Variants in ERC2 observed in about 807,000 individuals in gnomAD.
The protein encoded by ERC2 is ERC protein 2.
ERC2 carries 42 observed loss-of-function variants against 114.8 expected under a neutral mutation model. The ratio of observed to expected loss-of-function variants is 0.37; its 90% CI spans 0.29 to 0.47. ERC2 has a LOEUF of 0.47. Among genes scored for constraint, ERC2 ranks in the 20% least tolerant of loss-of-function variants. The pLI, the probability that ERC2 is intolerant of heterozygous loss-of-function variation, is 0.99. For synonymous variants in ERC2, 454 were observed against 425.5 expected (o/e 1.07, Z -0.82); for missense variants, 939 against 1,150.7 (o/e 0.82, Z 2.66).
intron 2 of ERC2, among the ~76,000 whole-genome samples, chr3:56,386,743 C>A (rs1268890222): frequency 6.6e-6 from 1 of 152,142 alleles, no homozygotes; most frequent in Non-Finnish European, 1.5e-5. Flanking sequence ...GGAGACACTA[C>A]TGCTACTGAA....
intron 2 of ERC2, among the ~76,000 whole-genome samples, chr3:56,373,760 T>C (rs569268370): frequency 6.6e-6 from 1 of 150,522 alleles, no homozygotes; most frequent in Admixed American, 6.6e-5. Context: ...GTATGAACTT[T>C]AATTATTTTT....
chr3:56,180,678 T>A (rs368102047), intron 3 of ERC2, among the ~76,000 whole-genome samples: 28 of 152,138 alleles, frequency 1.8e-4, no homozygotes, highest in Non-Finnish European at 2.9e-5. Flanking sequence ...AGTTGTATAA[T>A]GGGTACAGAG....
intron 14 of ERC2, among the ~76,000 whole-genome samples, chr3:55,775,865 C>T (rs2068567510): frequency 6.6e-6 from 1 of 152,174 alleles, no homozygotes; most frequent in South Asian, 2.1e-4. Flanking sequence ...GTTTGGTGTG[C>T]AGCAGGGGTG....
rs2065522340 is a variant in ERC2 at position 55,734,817 on chromosome 3, G to A, written c.2666C>T (p.Ala889Val). 1.9e-6 allele frequency: 3 copies of A among 1,613,044 alleles called. No homozygotes were observed. Among genetic ancestry groups the A allele is most frequent in the East Asian group, 4.5e-5 (2 of 44,850 alleles). The part of the protein sequence containing the change: ...KKKKTQEEVM[A>V]LKREKDRLVH... Reference sequence around the variant, plus strand: ...TAGTCGGTCTTTTTCCCGCTTGAGGGCCATGACTTCTTCCTGCGTCTTTTT... The same window carrying A: ...TAGTCGGTCTTTTTCCCGCTTGAGGACCATGACTTCTTCCTGCGTCTTTTT... Residue 889 changes from alanine (A) to valine (V), a missense_variant, in exon 15 of 18, where the codon GCC becomes GTC. By Grantham distance (64) the Ala-to-Val change is moderately conservative (BLOSUM62 0). Transcript: ENST00000288221.
At chr3:56,038,623 T>C (rs2074951069) in intron 7 of ERC2, among the ~76,000 whole-genome samples, 1 of 152,178 alleles carries the variant, frequency 6.6e-6, no homozygotes, top group Non-Finnish European at 1.5e-5. Flanking sequence ...ATTATAAATA[T>C]ATACGCATGT....
At chr3:55,547,121 C>T (rs920265716) in intron 17 of ERC2, among the ~76,000 whole-genome samples, 5 of 152,246 alleles carry the variant, frequency 3.3e-5, no homozygotes, top group South Asian at 2.1e-4. Flanking sequence ...GCAGGGGATG[C>T]GTGTAAAGGG....
chr3:56,455,560 A>G (rs2063024940), intron 1 of ERC2, among the ~76,000 whole-genome samples: 1 of 152,222 alleles, frequency 6.6e-6, no homozygotes, highest in African/African-American at 2.4e-5. Flanking sequence ...CAAGTTTCTT[A>G]ATTTCTCTAA....
At chr3:55,638,418 C>T (rs905094386) in intron 17 of ERC2, among the ~76,000 whole-genome samples, 3 of 152,156 alleles carry the variant, frequency 2.0e-5, no homozygotes, top group East Asian at 3.8e-4. Flanking sequence ...AGTTATTCCC[C>T]GAGGGGCTCG....
intron 17 of ERC2, among the ~76,000 whole-genome samples, chr3:55,534,076 G>T (rs557560945): frequency 3.0e-4 from 45 of 152,124 alleles, no homozygotes; most frequent in Non-Finnish European, 6.3e-4. Flanking sequence ...AAGGATAACA[G>T]GAACTCCACA....
At chr3:56,292,402 A>G (rs1390036975) in intron 3 of ERC2, among the ~76,000 whole-genome samples, 1 of 141,882 alleles carries the variant, frequency 7.0e-6, no homozygotes, top group African/African-American at 2.7e-5. Context: ...ACATGGTGAA[A>G]CCCCGTCTGT....
chr3:55,863,973 C>T (rs1244273056), intron 14 of ERC2, among the ~76,000 whole-genome samples: 1 of 151,198 alleles, frequency 6.6e-6, no homozygotes, highest in African/African-American at 2.4e-5. Context: ...AACACACACA[C>T]ACACACACTC....
intron 13 of ERC2, among the ~76,000 whole-genome samples, chr3:55,896,797 T>C (rs1399367975): frequency 6.6e-6 from 1 of 152,252 alleles, no homozygotes; most frequent in African/African-American, 2.4e-5. Context: ...TAAAGGTTTC[T>C]TCAAGCTAGA....
At position 56,371,912 on chromosome 3, in the gene ERC2, G is replaced by A. The variant is rs145938405; in HGVS notation, c.657+62439C>T. On this transcript the variant is annotated intron_variant, in intron 2 of 17. Coordinates refer to ENST00000288221, the MANE Select transcript of ERC2 (RefSeq NM_015576.3). The stretch of plus-strand genomic sequence containing the variant: ...ACAAATATTACCATCTTCTGTATAC[G>A]CTATTGTTTGAGAAGCCTAGGAAAG... Among the ~76,000 whole-genome samples the A allele has an allele frequency of 7.2e-3, 1,103 of 152,328 alleles. 9 individuals carry two copies. Among genetic ancestry groups the A allele is most frequent in the African/African-American group, 0.025 (1,025 of 41,576 alleles).
intron 7 of ERC2, among the ~76,000 whole-genome samples, chr3:56,024,242 G>T (rs1389824224): frequency 3.9e-5 from 6 of 152,190 alleles, no homozygotes; most frequent in African/African-American, 1.4e-4. Flanking sequence ...TATGCCCAGA[G>T]TTTTGATGCA....
At chr3:55,752,833 A>G (rs1015963148) in intron 14 of ERC2, among the ~76,000 whole-genome samples, 1 of 152,116 alleles carries the variant, frequency 6.6e-6, no homozygotes, top group Non-Finnish European at 1.5e-5. Context: ...AAGTTGAGAT[A>G]CTCTTGACAC....
chr3:56,363,719 T>G (rs546624039), intron 2 of ERC2, among the ~76,000 whole-genome samples: 1 of 152,074 alleles, frequency 6.6e-6, no homozygotes, highest in East Asian at 1.9e-4. Flanking sequence ...CTTCCATGCT[T>G]TAGTCTATAT....
At chr3:55,691,555 A>G (rs2062644179) in intron 16 of ERC2, among the ~76,000 whole-genome samples, 1 of 42,606 alleles carries the variant, frequency 2.3e-5, no homozygotes, top group Admixed American at 4.7e-4. Flanking sequence ...AAAAAAAAAA[A>G]AAAAAAAAAA....
chr3:56,458,372 G>C (rs549342187), intron 1 of ERC2, among the ~76,000 whole-genome samples: 1 of 152,232 alleles, frequency 6.6e-6, no homozygotes, highest in African/African-American at 2.4e-5. Context: ...CCCCAGGTCA[G>C]TGCTATGTCT....
intron 7 of ERC2, among the ~76,000 whole-genome samples, chr3:56,074,823 G>A (rs2076898163): frequency 6.6e-6 from 1 of 152,142 alleles, no homozygotes; most frequent in African/African-American, 2.4e-5. Flanking sequence ...ATTTTGCTGG[G>A]GCAAATGACT....
Sources: allele counts gnomAD v4.1 joint callset (sites outside exome capture counted in the v4.1 genomes callset), GRCh38; gene constraint gnomAD v4.1.1; transcripts MANE v1.5; gene names NCBI Gene and HGNC (gene_info 2026-07-23, HGNC 2026-07-21).